Variants in GYS2 observed in about 807,000 individuals in gnomAD.
GYS2 encodes glycogen [starch] synthase, liver.
Under a neutral mutation model 85.6 loss-of-function variants are expected in GYS2, and 80 were observed. That is an observed-to-expected ratio of 0.93 (90% CI 0.78 to 1.13). GYS2 has a LOEUF of 1.13. Ranked by LOEUF, GYS2 falls within the 50% of genes most tolerant of loss-of-function variation. The probability of loss-of-function intolerance (pLI) is 0.00; values close to 1 mark genes in which losing one functional copy is unlikely to be tolerated. For synonymous variants in GYS2, 328 were observed against 300.7 expected (o/e 1.09, Z -0.94); for missense variants, 881 against 854.9 (o/e 1.03, Z -0.38).
chr12:21,568,896 T>C lies in GYS2; in HGVS notation c.792A>G (p.Ile264Met). 1 of 1,613,518 alleles carries C rather than the reference T, an allele frequency of 6.2e-7. No individual in the cohort carries two copies. The highest frequency in any genetic ancestry group is 8.5e-7 in the Non-Finnish European group (1 of 1,179,400). The change falls in exon 5 of 16, where the codon ATA (isoleucine) becomes ATG (methionine). Residue 264 changes from isoleucine (I) to methionine (M), a missense_variant. Coordinates refer to ENST00000261195, the MANE Select transcript of GYS2 (RefSeq NM_021957.4). ...TTCTCTTCAGCATATGTTCAGCTTCTATTGCTGTTATTTCAGAAACCGTGG... is the reference window on the plus strand; with the variant it reads ...TTCTCTTCAGCATATGTTCAGCTTCCATTGCTGTTATTTCAGAAACCGTGG... The part of the protein sequence containing the change: ...VFTTVSEITA[I>M]EAEHMLKRKP...
intron 2 of GYS2, among the ~76,000 whole-genome samples, chr12:21,579,952 C>T (rs1377519569): frequency 1.3e-5 from 2 of 152,228 alleles, no homozygotes; most frequent in African/African-American, 2.4e-5. Context: ...TTTGCTTCTA[C>T]ATTTGCAATC....
At position 21,541,824 on chromosome 12, in the gene GYS2, T is replaced by C. The variant is rs939123343; in HGVS notation, c.1645+672A>G. Among the ~76,000 whole-genome samples the C allele has an allele frequency of 2.0e-5, 3 of 152,094 alleles. No individual in the cohort carries two copies. The East Asian group carries it at 5.8e-4, about 29-fold the overall frequency. On this transcript the variant is annotated intron_variant, in intron 13 of 15. Transcript: ENST00000261195. The stretch of plus-strand genomic sequence containing the variant: ...TCGCCCAGGTGATTAACATAGTGCC[T>C]GGTAGGTAGTCTTTCAACCCACGCC...
intron 15 of GYS2, among the ~76,000 whole-genome samples, chr12:21,538,591 T>C (rs908987095): frequency 6.6e-6 from 1 of 152,182 alleles, no homozygotes; most frequent in Non-Finnish European, 1.5e-5. Context: ...GGTCTTATCT[T>C]CTTGCACCTA....
At chr12:21,586,762 T>G (rs890726899) in intron 1 of GYS2, among the ~76,000 whole-genome samples, 4 of 152,178 alleles carry the variant, frequency 2.6e-5, no homozygotes, top group Non-Finnish European at 5.9e-5. Flanking sequence ...GAAGACAGCA[T>G]GAAGATTTCT....
In GYS2 at chr12:21,575,951, G is replaced by A. The variant is rs781699106; in HGVS notation, c.410C>T (p.Ala137Val). 8 of 1,613,728 alleles carry A rather than the reference G, an allele frequency of 5.0e-6. No individual in the cohort carries two copies. In the South Asian group the frequency reaches 5.5e-5, roughly 11 times the overall value. Residue 137 changes from alanine (A) to valine (V), a missense_variant, in exon 3 of 16, where the codon GCA (alanine) becomes GTA (valine). Transcript: ENST00000261195. ...LDRWKGDLWE[A>V]CSVGIPYHDR... ...ATGATAAGGAATGCCGACACTGCAT[G>A]CTTCCCAGAGGTCACCCTTCCACCT...
At chr12:21,596,602 G>T (rs1218929195) in intron 1 of GYS2, among the ~76,000 whole-genome samples, 2 of 152,150 alleles carry the variant, frequency 1.3e-5, no homozygotes, top group Middle Eastern at 3.4e-3. Context: ...ACATACCTCA[G>T]TGTAATAAAA....
intron 4 of GYS2, among the ~76,000 whole-genome samples, chr12:21,573,753 T>C (rs1408197596): frequency 6.6e-6 from 1 of 152,224 alleles, no homozygotes; most frequent in Non-Finnish European, 1.5e-5. Context: ...AGTGCAAGTT[T>C]GTATGTCTCA....
intron 11 of GYS2, among the ~76,000 whole-genome samples, chr12:21,548,908 A>G (rs1944073810): frequency 6.6e-6 from 1 of 151,986 alleles, no homozygotes; most frequent in Non-Finnish European, 1.5e-5. Context: ...GTGACATCGC[A>G]TTGGTAGCTT....
At chr12:21,585,310 G>A (rs1016950362) in intron 1 of GYS2, among the ~76,000 whole-genome samples, 3 of 152,090 alleles carry the variant, frequency 2.0e-5, no homozygotes, top group African/African-American at 7.2e-5. Flanking sequence ...GGACACTTTG[G>A]GCTCCTCCCA....
chr12:21,589,278 G>A (rs892394303), intron 1 of GYS2, among the ~76,000 whole-genome samples: 1 of 152,148 alleles, frequency 6.6e-6, no homozygotes, highest in Non-Finnish European at 1.5e-5. Flanking sequence ...CAAATGATTT[G>A]ATTTGGGAAA....
At chr12:21,552,357 A>G (rs1944122283) in intron 11 of GYS2, among the ~76,000 whole-genome samples, 1 of 152,236 alleles carries the variant, frequency 6.6e-6, no homozygotes, top group African/African-American at 2.4e-5. Context: ...ATAAATTCAA[A>G]TTCAAAATGA....
chr12:21,576,155 A>G, intron 2 of GYS2, 98 bp from the exon 3 acceptor site: 1 of 919,490 alleles, frequency 1.1e-6, no homozygotes, highest in Non-Finnish European at 1.8e-6. Context: ...GTAGTACTCA[A>G]TAGCAAATTA....
Position 21,591,340 on chromosome 12 carries a change from G to C in GYS2, c.122-10817C>G, listed in dbSNP as rs550916230. Among the ~76,000 whole-genome samples the C allele has an allele frequency of 2.6e-5, 4 of 151,980 alleles. No individual in the cohort carries two copies. In the South Asian group the frequency reaches 8.3e-4, roughly 32 times the overall value. On this transcript the variant is annotated intron_variant, in intron 1 of 15. Coordinates refer to ENST00000261195, the MANE Select transcript of GYS2 (RefSeq NM_021957.4). ...AAATTCTGTAACTGAAGAGTTTATT[G>C]AAAGAAATACAAAATACATTCAAAA...
Position 21,574,283 on chromosome 12 carries a change from T to C in GYS2, c.539A>G (p.His180Arg), listed in dbSNP as rs373237271. The change falls in exon 4 of 16, where the codon CAT becomes CGT. Residue 180 changes from histidine to arginine, a missense_variant. Transcript: ENST00000261195. ...ADGKYVVAQF[H>R]EWQAGIGLIL... ...CAGTCCAATTCCAGCCTGCCATTCATGGAATTGGGCAACGACATATTTACC... is the reference window on the plus strand; with the variant it reads ...CAGTCCAATTCCAGCCTGCCATTCACGGAATTGGGCAACGACATATTTACC... The C allele has an allele frequency of 1.2e-6, 2 of 1,613,832 alleles. No homozygotes were observed. The highest frequency in any genetic ancestry group is 1.7e-6 in the Non-Finnish European group (2 of 1,179,880).
chr12:21,542,701 T>C, intron 12 of GYS2, 110 bp from the exon 13 acceptor site: 1 of 732,010 alleles, frequency 1.4e-6, no homozygotes, highest in Non-Finnish European at 2.5e-6. Context: ...ATGTTCACTA[T>C]GTGTCAGTCA....
intron 1 of GYS2, among the ~76,000 whole-genome samples, chr12:21,589,773 AGCAATCGCACAAAG>A (rs1265639769): frequency 7.2e-5 from 11 of 152,140 alleles, no homozygotes; most frequent in African/African-American, 2.7e-4. Context: ...GGAACTGCCC[AGCAATCGCACAAAG>A]GCATTGCTCC....
intron 12 of GYS2, among the ~76,000 whole-genome samples, chr12:21,543,885 G>A (rs1003022900): frequency 3.9e-5 from 6 of 152,112 alleles, no homozygotes; most frequent in Non-Finnish European, 8.8e-5. Flanking sequence ...GGATGATGAA[G>A]AGAAATATTC....
rs144984139 is a variant in GYS2 at position 21,599,086 on chromosome 12, T to C, written c.121+5386A>G. 4.5e-3 allele frequency among the ~76,000 whole-genome samples: 672 copies of C among 150,804 alleles called. 4 individuals are homozygous for C. Among genetic ancestry groups the C allele is most frequent in the African/African-American group, 0.016 (648 of 41,044 alleles). ...CTCTCTCTCGCTCTCTCTCTCTCTC[T>C]CCCCCATCTCTCTCTGTCTCTCTCT... is the stretch of plus-strand genomic sequence containing the variant. On this transcript the variant is annotated intron_variant, in intron 1 of 15. Coordinates refer to ENST00000261195, the MANE Select transcript of GYS2 (RefSeq NM_021957.4).
chr12:21,577,930 A>C (rs1944464891), intron 2 of GYS2, among the ~76,000 whole-genome samples: 1 of 152,120 alleles, frequency 6.6e-6, no homozygotes, highest in Non-Finnish European at 1.5e-5. Flanking sequence ...ACCTTATCCT[A>C]AGCAACTTCA....
Sources: gnomAD v4.1 joint callset for allele counts (sites outside exome capture counted in the v4.1 genomes callset) on GRCh38, gnomAD v4.1.1 for gene constraint, MANE v1.5 for transcripts, NCBI Gene and HGNC (gene_info 2026-07-23, HGNC 2026-07-21) for gene names.